EBF1: variants seen among roughly 807,000 people sequenced by gnomAD.
EBF1 encodes transcription factor COE1.
In EBF1, 10 loss-of-function variants were observed where a neutral mutation model predicts 68.4. The ratio of observed to expected loss-of-function variants is 0.15; its 90% CI spans 0.09 to 0.25. The LOEUF (loss-of-function observed/expected upper bound fraction) is 0.25. EBF1 is among the 10% of genes least tolerant of loss of function. The pLI, the probability that EBF1 is intolerant of heterozygous loss-of-function variation, is 1.00. For missense variants in EBF1, 509 were observed against 794.4 expected, an observed-to-expected ratio of 0.64 and a Z score of 4.32; for synonymous variants, 298 against 299.8, an observed-to-expected ratio of 0.99 and a Z score of 0.06.
chr5:158,706,163 T>C lies in EBF1; in HGVS notation c.1744+1816A>G, dbSNP rs73816040. ...TGGGCATTTTCTATCATGAGTAATATTGCCTGAAATGCAGTTGCACAGGCA... is the reference window on the plus strand; with the variant it reads ...TGGGCATTTTCTATCATGAGTAATACTGCCTGAAATGCAGTTGCACAGGCA... On this transcript the variant is annotated intron_variant, in intron 15 of 15. Transcript: ENST00000313708. Among the ~76,000 whole-genome samples the C allele has an allele frequency of 3.1e-3, 468 of 151,904 alleles. 3 individuals are homozygous for C. The highest frequency in any genetic ancestry group is 0.011 in the African/African-American group (441 of 41,466).
chr5:159,047,003 T>C (rs932817449), intron 6 of EBF1, among the ~76,000 whole-genome samples: 1 of 152,206 alleles, frequency 6.6e-6, no homozygotes, highest in Non-Finnish European at 1.5e-5. Context: ...TTGCTTTTCA[T>C]CCAATAACTC....
chr5:158,786,418 T>A (rs1221773180), intron 9 of EBF1, among the ~76,000 whole-genome samples: 4 of 152,124 alleles, frequency 2.6e-5, no homozygotes, highest in Non-Finnish European at 5.9e-5. Flanking sequence ...TTTTGTAATT[T>A]ATTTTTTAAA....
At chr5:158,840,694 C>T (rs1160208165) in intron 6 of EBF1, among the ~76,000 whole-genome samples, 7 of 87,626 alleles carry the variant, frequency 8.0e-5, no homozygotes, top group Non-Finnish European at 8.1e-5. Context: ...TTTTTTGAGA[C>T]GGAGTCTCGC....
intron 6 of EBF1, among the ~76,000 whole-genome samples, chr5:158,958,256 T>C (rs1036574103): frequency 5.9e-5 from 9 of 152,186 alleles, no homozygotes; most frequent in Non-Finnish European, 1.0e-4. Flanking sequence ...GATTGCTTCA[T>C]GGCAGAGGGG....
chr5:159,073,543 T>C, intron 5 of EBF1, 79 bp from the exon 6 acceptor site: 1 of 1,505,090 alleles, frequency 6.6e-7, no homozygotes. Flanking sequence ...AGGCTCAAAT[T>C]GCTGGGTTGC....
intron 6 of EBF1, among the ~76,000 whole-genome samples, chr5:158,919,093 C>A (rs1402038570): frequency 6.6e-6 from 1 of 152,186 alleles, no homozygotes; most frequent in African/African-American, 2.4e-5. Flanking sequence ...TGAACTCACT[C>A]CATCTGTTTA....
intron 6 of EBF1, among the ~76,000 whole-genome samples, chr5:158,992,193 T>C (rs2127612740): frequency 6.6e-6 from 1 of 151,464 alleles, no homozygotes; most frequent in East Asian, 1.9e-4. Flanking sequence ...AACGTTTGCC[T>C]TCCAGAATCC....
At chr5:158,749,969 T>C (rs1200323208) in intron 10 of EBF1, among the ~76,000 whole-genome samples, 1 of 152,096 alleles carries the variant, frequency 6.6e-6, no homozygotes, top group African/African-American at 2.4e-5. Context: ...GCCTCTTTTG[T>C]AGTCAACAGT....
At chr5:159,011,164 A>G (rs956619705) in intron 6 of EBF1, among the ~76,000 whole-genome samples, 4 of 152,178 alleles carry the variant, frequency 2.6e-5, no homozygotes, top group African/African-American at 9.7e-5. Context: ...TTCTTTTATG[A>G]AAACCCAGCT....
At chr5:158,888,514 C>T (rs1233101181) in intron 6 of EBF1, among the ~76,000 whole-genome samples, 1 of 152,050 alleles carries the variant, frequency 6.6e-6, no homozygotes, top group African/African-American at 2.4e-5. Context: ...AGCCAATGTG[C>T]TAAATTTGTT....
chr5:158,965,033 T>G (rs778647607), intron 6 of EBF1, among the ~76,000 whole-genome samples: 10 of 152,200 alleles, frequency 6.6e-5, no homozygotes, highest in Non-Finnish European at 8.8e-5. Context: ...ACTAGAGATA[T>G]CGTGTTGTTT....
chr5:159,037,618 G>A (rs978765906), intron 6 of EBF1, among the ~76,000 whole-genome samples: 2 of 128,344 alleles, frequency 1.6e-5, no homozygotes, highest in African/African-American at 6.0e-5. Context: ...AGATCACATG[G>A]ACACAGGAAG....
intron 14 of EBF1, among the ~76,000 whole-genome samples, chr5:158,711,705 T>G (rs1759370936): frequency 6.6e-6 from 1 of 152,022 alleles, no homozygotes; most frequent in African/African-American, 2.4e-5. Flanking sequence ...GGAGTCTTGC[T>G]CTGTCACCCA....
intron 6 of EBF1, among the ~76,000 whole-genome samples, chr5:158,913,658 C>T (rs1053481930): frequency 6.6e-6 from 1 of 152,082 alleles, no homozygotes. Context: ...GTGGAAAGGG[C>T]CCTCGGTATG....
intron 9 of EBF1, among the ~76,000 whole-genome samples, chr5:158,781,696 T>A (rs569415574): frequency 6.6e-6 from 1 of 152,192 alleles, no homozygotes; most frequent in Non-Finnish European, 1.5e-5. Context: ...TTATTTTTCT[T>A]CAGTCATATT....
chr5:158,789,654 G>A (rs555012286), intron 9 of EBF1, among the ~76,000 whole-genome samples: 99 of 152,268 alleles, frequency 6.5e-4, no homozygotes, highest in African/African-American at 2.2e-3. Context: ...CCCTACCACT[G>A]TGAAGTCTCT....
At chr5:158,978,625 AT>A (rs11358125) in intron 6 of EBF1, among the ~76,000 whole-genome samples, 103,281 of 149,486 alleles carry the variant, frequency 0.69, 35,577 homozygotes, top group East Asian at 0.9. Context: ...CAGTGACATC[AT>A]TTTTTTTTTT....
chr5:158,937,893 T>G (rs1812409105), intron 6 of EBF1, among the ~76,000 whole-genome samples: 1 of 152,170 alleles, frequency 6.6e-6, no homozygotes, highest in South Asian at 2.1e-4. Context: ...CCCTTGGCCA[T>G]TGTGCTTTCT....
intron 8 of EBF1, among the ~76,000 whole-genome samples, chr5:158,798,929 T>C (rs1581988156): frequency 6.6e-6 from 1 of 152,194 alleles, no homozygotes. Context: ...CTATATGCCA[T>C]TCTTAGAGCA....
Sources: allele counts gnomAD v4.1 joint callset (sites outside exome capture counted in the v4.1 genomes callset), GRCh38; gene constraint gnomAD v4.1.1; transcripts MANE v1.5; gene names NCBI Gene and HGNC (gene_info 2026-07-23, HGNC 2026-07-21).